NUBPL: variants seen among roughly 807,000 people sequenced by gnomAD.
NUBPL encodes NUBP iron-sulfur cluster assembly factor, mitochondrial.
Under a neutral mutation model 45.7 loss-of-function variants are expected in NUBPL, and 31 were observed. The ratio of observed to expected loss-of-function variants is 0.68; its 90% CI spans 0.51 to 0.92. The LOEUF is 0.92. Ranked by LOEUF, NUBPL falls within the 40% of genes least tolerant of loss-of-function variation. NUBPL has a pLI of 0.00. For missense variants in NUBPL, 401 were observed against 398.7 expected (o/e 1.01, Z -0.05); for synonymous variants, 144 against 140.9 (o/e 1.02, Z -0.15).
At chr14:31,748,715 C>T (rs1016048041) in intron 6 of NUBPL, among the ~76,000 whole-genome samples, 3 of 152,010 alleles carry the variant, frequency 2.0e-5, no homozygotes, top group Non-Finnish European at 4.4e-5. Context: ...CGGGTTCAAG[C>T]GTTTCTCCTG....
At chr14:31,834,770 G>A (rs944024233) in intron 8 of NUBPL, among the ~76,000 whole-genome samples, 3 of 152,150 alleles carry the variant, frequency 2.0e-5, no homozygotes, top group Non-Finnish European at 2.9e-5. Flanking sequence ...TTTTGCACAT[G>A]AGGAAATGTG....
intron 6 of NUBPL, among the ~76,000 whole-genome samples, chr14:31,765,844 C>G (rs2038902816): frequency 6.6e-6 from 1 of 152,070 alleles, no homozygotes; most frequent in Non-Finnish European, 1.5e-5. Flanking sequence ...TATTTATAAG[C>G]CAGTTTGGTA....
intron 10 of NUBPL, among the ~76,000 whole-genome samples, chr14:31,858,157 G>A (rs907172251): frequency 6.6e-6 from 1 of 152,186 alleles, no homozygotes; most frequent in Non-Finnish European, 1.5e-5. Flanking sequence ...AAGAGAGCTT[G>A]TGGAGAGAGA....
chr14:31,844,763 C>T (rs1455174579), intron 8 of NUBPL: 3 of 152,268 alleles, frequency 2.0e-5, no homozygotes, highest in East Asian at 3.9e-4. Flanking sequence ...CTGATACAGA[C>T]ATTGTAATCT....
At chr14:31,629,798 T>G (rs977107904) in intron 4 of NUBPL, among the ~76,000 whole-genome samples, 1 of 152,156 alleles carries the variant, frequency 6.6e-6, no homozygotes, top group Non-Finnish European at 1.5e-5. Flanking sequence ...ATTAATCTTT[T>G]CCCTTCCCAG....
At chr14:31,709,998 T>A (rs892473706) in intron 6 of NUBPL, among the ~76,000 whole-genome samples, 4 of 152,188 alleles carry the variant, frequency 2.6e-5, no homozygotes, top group Admixed American at 2.0e-4. Flanking sequence ...TGGACATAAC[T>A]TATTTCACTC....
chr14:31,599,552 T>C (rs895928610), intron 4 of NUBPL, among the ~76,000 whole-genome samples, 173 bp downstream of exon 4: 20 of 152,210 alleles, frequency 1.3e-4, no homozygotes, highest in Admixed American at 3.9e-4. Context: ...GATATGTTAA[T>C]TGATATAAAC....
intron 8 of NUBPL, among the ~76,000 whole-genome samples, chr14:31,841,833 T>G (rs989048420): frequency 6.6e-6 from 1 of 151,666 alleles, no homozygotes; most frequent in Non-Finnish European, 1.5e-5. Context: ...ATTCATTATT[T>G]TATATATGGA....
At chr14:31,818,081 C>T (rs1391142873) in intron 7 of NUBPL, among the ~76,000 whole-genome samples, 4 of 152,156 alleles carry the variant, frequency 2.6e-5, no homozygotes, top group Admixed American at 1.3e-4. Flanking sequence ...AAGGGCATTA[C>T]ATAGTGGTAA....
intron 4 of NUBPL, among the ~76,000 whole-genome samples, chr14:31,659,102 C>G (rs2036209465): frequency 6.6e-6 from 1 of 152,068 alleles, no homozygotes; most frequent in African/African-American, 2.4e-5. Flanking sequence ...TGACTTTCCC[C>G]AACTGTAAAA....
chr14:31,701,018 C>T (rs940418878), intron 6 of NUBPL, among the ~76,000 whole-genome samples: 9 of 152,208 alleles, frequency 5.9e-5, no homozygotes, highest in Admixed American at 2.0e-4. Flanking sequence ...GCTCCTGAGC[C>T]GGCTGGGGAC....
intron 4 of NUBPL, among the ~76,000 whole-genome samples, chr14:31,667,437 G>GTT (rs2036460648): frequency 6.6e-6 from 1 of 151,870 alleles, no homozygotes; most frequent in Admixed American, 6.6e-5. Flanking sequence ...GGTTATTCTA[G>GTT]TTAGCCCTTC....
intron 7 of NUBPL, among the ~76,000 whole-genome samples, chr14:31,799,550 C>G (rs368219790): frequency 6.6e-6 from 1 of 152,136 alleles, no homozygotes; most frequent in Non-Finnish European, 1.5e-5. Flanking sequence ...AAGCAAGTAT[C>G]GTAATCAAGC....
intron 6 of NUBPL, among the ~76,000 whole-genome samples, chr14:31,688,143 A>G (rs2036997759): frequency 6.6e-6 from 1 of 152,234 alleles, no homozygotes; most frequent in Admixed American, 6.5e-5. Context: ...TAGCTGAAGA[A>G]TCTAAAGGTG....
chr14:31,718,752 G>T (rs532100364), intron 6 of NUBPL, among the ~76,000 whole-genome samples: 2 of 152,244 alleles, frequency 1.3e-5, no homozygotes, highest in South Asian at 4.1e-4. Context: ...AACTTGGAAA[G>T]CCAGGTTTTG....
chr14:31,834,225 G>T (rs1376464635), intron 8 of NUBPL, among the ~76,000 whole-genome samples: 2 of 130,480 alleles, frequency 1.5e-5, no homozygotes, highest in African/African-American at 6.0e-5. Flanking sequence ...TCTGTCGCCA[G>T]GCTGGAGTGC....
At chr14:31,733,531 G>C (rs530322137) in intron 6 of NUBPL, among the ~76,000 whole-genome samples, 130 of 152,070 alleles carry the variant, frequency 8.5e-4, no homozygotes, top group African/African-American at 3.1e-3. Context: ...TATTTTATAG[G>C]TTAATAAAGG....
In NUBPL at chr14:31,846,550, G is replaced by GT. The variant is rs1431275151; in HGVS notation, c.774dup (p.Ala259CysfsTer11). On this transcript the variant is annotated frameshift_variant, in exon 9 of 11. Coordinates refer to ENST00000281081, the MANE Select transcript of NUBPL (RefSeq NM_025152.3). LOFTEE classifies it high-confidence loss of function. ...AAAACTCATATTTTTGGTGCTGATG[G>GT]TGCAAGGAAACTAGCACAGACCCTT... The GT allele has an allele frequency of 1.2e-6, 2 of 1,613,470 alleles. No individual in the cohort carries two copies. The highest frequency in any genetic ancestry group is 1.7e-6 in the Non-Finnish European group (2 of 1,179,788).
At chr14:31,837,839 A>C (rs1009365978) in intron 8 of NUBPL, among the ~76,000 whole-genome samples, 1 of 152,230 alleles carries the variant, frequency 6.6e-6, no homozygotes, top group Non-Finnish European at 1.5e-5. Context: ...TTAAAACCAT[A>C]GTAGAAAAGA....
Sources: gnomAD v4.1 joint callset for allele counts (sites outside exome capture counted in the v4.1 genomes callset) on GRCh38, gnomAD v4.1.1 for gene constraint, MANE v1.5 for transcripts, NCBI Gene and HGNC (gene_info 2026-07-23, HGNC 2026-07-21) for gene names.